CELSR1: variants seen among roughly 807,000 people sequenced by gnomAD.
The protein encoded by CELSR1 is adhesion G protein-coupled receptor C1.
CELSR1 carries 110 observed loss-of-function variants against 249.1 expected under a neutral mutation model. The observed-to-expected ratio is 0.44, with a 90% CI of 0.38 to 0.52. CELSR1 has a LOEUF of 0.52. CELSR1 is among the 20% of genes least tolerant of loss of function. CELSR1 has a pLI of 0.00. For missense variants in CELSR1, 4,109 were observed against 4,296.4 expected (o/e 0.96, Z 1.22); for synonymous variants, 2,113 against 1,900.0 (o/e 1.11, Z -2.92).
intron 19 of CELSR1, 59 bp downstream of exon 19, chr22:46,386,343 C>A: frequency 4.8e-6 from 7 of 1,445,606 alleles, no homozygotes; most frequent in Non-Finnish European, 6.4e-6. Flanking sequence ...GGGGGCCTAG[C>A]TCTGGGGCAC....
chr22:46,501,129 G>A (rs1377584738), intron 1 of CELSR1, among the ~76,000 whole-genome samples: 1 of 151,212 alleles, frequency 6.6e-6, no homozygotes, highest in Non-Finnish European at 1.5e-5. Context: ...CGCCTCCCGG[G>A]TTCAAGCAAT....
At chr22:46,505,794 T>C (rs2080509132) in intron 1 of CELSR1, among the ~76,000 whole-genome samples, 1 of 152,178 alleles carries the variant, frequency 6.6e-6, no homozygotes, top group Non-Finnish European at 1.5e-5. Flanking sequence ...CTCTTTGAAT[T>C]TTTACAATGA....
chr22:46,533,808 G>A lies in CELSR1; in HGVS notation c.3363C>T (p.Thr1121=), dbSNP rs551354592. The A allele has an allele frequency of 2.5e-5, 40 of 1,613,700 alleles. No homozygotes were observed. The highest frequency in any genetic ancestry group is 6.6e-5 in the South Asian group (6 of 91,096). ...GGGCCGGGATGCAGCCGATCACGCC[G>A]GTGGGGAAACTGTTGGACTTGTTGG... ...YVTNKSNSFP[T]GVIGCIPAHD... Residue 1121 remains threonine (T), a synonymous_variant, in exon 1 of 35, where the codon ACC becomes ACT. Coordinates refer to ENST00000674500, the MANE Select transcript of CELSR1 (RefSeq NM_001378328.1).
chr22:46,498,316 A>G (rs2080434567), intron 1 of CELSR1, among the ~76,000 whole-genome samples: 1 of 128,486 alleles, frequency 7.8e-6, no homozygotes, highest in African/African-American at 2.9e-5. Context: ...AAAAAAAAAG[A>G]TAGTCCAGTG....
At chr22:46,469,260 C>T (rs1389150668) in intron 1 of CELSR1, among the ~76,000 whole-genome samples, 2 of 152,094 alleles carry the variant, frequency 1.3e-5, no homozygotes, top group Non-Finnish European at 2.9e-5. Context: ...CTAATGGCAC[C>T]CAGCATAAAA....
At chr22:46,528,667 G>A (rs535922482) in intron 1 of CELSR1, among the ~76,000 whole-genome samples, 38 of 152,324 alleles carry the variant, frequency 2.5e-4, no homozygotes, top group Non-Finnish European at 4.7e-4. Flanking sequence ...GGTGGCTCAC[G>A]CCTGTAATCC....
chr22:46,511,558 T>C (rs2080574082), intron 1 of CELSR1, among the ~76,000 whole-genome samples: 1 of 152,246 alleles, frequency 6.6e-6, no homozygotes, highest in Non-Finnish European at 1.5e-5. Flanking sequence ...GACTAGGCCT[T>C]GACTTCGGGC....
chr22:46,373,616 G>A (rs1718791950), intron 24 of CELSR1, among the ~76,000 whole-genome samples: 1 of 148,796 alleles, frequency 6.7e-6, no homozygotes, highest in African/African-American at 2.5e-5. Flanking sequence ...CTCCCCTCTG[G>A]GTCCCGGGAG....
rs972268719 is a variant in CELSR1, at chr22:46,501,966, T to A, written c.3544+31661A>T. On this transcript the variant is annotated intron_variant, in intron 1 of 34. Coordinates refer to ENST00000674500, the MANE Select transcript of CELSR1 (RefSeq NM_001378328.1). ...CATTTTTATAAACTACTCAGAAAAC[T>A]GCCCTGTAGAAAACAGGGCTGGGCG... is the stretch of plus-strand genomic sequence containing the variant. 2.0e-5 allele frequency among the ~76,000 whole-genome samples: 3 copies of A among 152,152 alleles called. No individual in the cohort carries two copies. The East Asian group carries it at 5.8e-4, about 30-fold the overall frequency.
intron 1 of CELSR1, among the ~76,000 whole-genome samples, chr22:46,480,212 T>C (rs888222528): frequency 1.3e-5 from 2 of 152,248 alleles, no homozygotes; most frequent in Non-Finnish European, 2.9e-5. Flanking sequence ...CCAGTAATTC[T>C]GCTTCCCACA....
At position 46,518,825 on chromosome 22, in the gene CELSR1, G is replaced by A. The variant is rs2147787051; in HGVS notation, c.3544+14802C>T. 6.6e-6 allele frequency among the ~76,000 whole-genome samples: 1 copy of A among 152,320 alleles called. No homozygotes were observed. Among genetic ancestry groups the A allele is most frequent in the South Asian group, 2.1e-4 (1 of 4,820 alleles). On this transcript the variant is annotated intron_variant, in intron 1 of 34. Transcript: ENST00000674500. This position sits in a 1 kb window ranked among gnomAD's most constrained non-coding sequence, Gnocchi z 5.2. Reference sequence around the variant, plus strand: ...AGGCGGGTGGATCACTTGAGGTCAGGAGTTCGAGACCAGCCTGGCAAACCT... The same window carrying A: ...AGGCGGGTGGATCACTTGAGGTCAGAAGTTCGAGACCAGCCTGGCAAACCT...
At chr22:46,415,517 C>A (rs536592315) in intron 5 of CELSR1, among the ~76,000 whole-genome samples, 33 of 152,144 alleles carry the variant, frequency 2.2e-4, no homozygotes, top group African/African-American at 7.2e-4. Context: ...GGCATGAAAA[C>A]ATTTTAGATC....
chr22:46,448,492 G>A lies in CELSR1; in HGVS notation c.4184-9081C>T. The A allele has an allele frequency of 2.5e-6, 1 of 399,778 alleles. No homozygotes were observed. Among genetic ancestry groups the A allele is most frequent in the Non-Finnish European group, 4.9e-6 (1 of 203,100 alleles). The allele number at this position is 399,778 out of a possible 1,614,324, so 24.8% of individuals were successfully genotyped here. A position where few individuals can be genotyped will look rare whatever the true frequency, so the allele number is the denominator to read the frequency against. On this transcript the variant is annotated intron_variant, in intron 2 of 34. Transcript: ENST00000674500. This position sits in a 1 kb window ranked among gnomAD's most constrained non-coding sequence, Gnocchi z 5.7. ...CGCGCTGGGAACGTGCCCCAGGAGG[G>A]GAAGGGCGTGTAAAGATTGACCACT...
rs988916109 is a variant in CELSR1 at position 46,518,249 on chromosome 22, C to T, written c.3544+15378G>A. On this transcript the variant is annotated intron_variant, in intron 1 of 34. Transcript: ENST00000674500. This position sits in a 1 kb window ranked among gnomAD's most constrained non-coding sequence, Gnocchi z 5.2. ...CTAAAGGACATCTCAAAGCACAGCG[C>T]GGCCCCTCAGCACAGACGCTGCTAT... is the stretch of plus-strand genomic sequence containing the variant. Among the ~76,000 whole-genome samples, 1 of 152,154 alleles carries T rather than the reference C, an allele frequency of 6.6e-6. No individual in the cohort carries two copies. The highest frequency in any genetic ancestry group is 1.5e-5 in the Non-Finnish European group (1 of 68,028).
chr22:46,521,986 T>C (rs1215552646), intron 1 of CELSR1, among the ~76,000 whole-genome samples: 1 of 152,198 alleles, frequency 6.6e-6, no homozygotes, highest in Admixed American at 6.5e-5. Context: ...GGGTTCCAGT[T>C]TCTCTGCATC....
chr22:46,486,948 T>C (rs2147684422), intron 1 of CELSR1, among the ~76,000 whole-genome samples: 1 of 152,276 alleles, frequency 6.6e-6, no homozygotes, highest in East Asian at 1.9e-4. Flanking sequence ...CAACAGTTTC[T>C]GTTCTGGCCC....
At chr22:46,524,712 G>A (rs540812462) in intron 1 of CELSR1, among the ~76,000 whole-genome samples, 3 of 152,248 alleles carry the variant, frequency 2.0e-5, no homozygotes, top group South Asian at 4.1e-4. Context: ...GCCCAAAAGG[G>A]GGACCTGATT....
intron 17 of CELSR1, 125 bp from the exon 18 acceptor site, chr22:46,389,624 C>G (rs957999053): frequency 9.2e-7 from 1 of 1,085,440 alleles, no homozygotes; most frequent in African/African-American, 1.6e-5. Context: ...TTTAAAAAAT[C>G]CAAAAGCCTG....
chr22:46,439,317 G>A lies in CELSR1; in HGVS notation c.4278C>T (p.Phe1426=). 3 of 1,613,718 alleles carry A rather than the reference G, an allele frequency of 1.9e-6. No individual in the cohort carries two copies. ...ACTCGCCAGGAGGACACACGCAGTG[G>A]AAGCCGCCGATGAGCAGGTTCACGC... ...GTCVNLLIGG[F]HCVCPPGEYE... is the part of the protein sequence containing the mutation. Residue 1426 remains phenylalanine (F), a synonymous_variant, in exon 3 of 35, where the codon TTC becomes TTT. Transcript: ENST00000674500.
Sources: allele counts gnomAD v4.1 joint callset (sites outside exome capture counted in the v4.1 genomes callset), GRCh38; gene constraint gnomAD v4.1.1; non-coding constraint Gnocchi (gnomAD v3.1); transcripts MANE v1.5; gene names NCBI Gene and HGNC (gene_info 2026-07-23, HGNC 2026-07-21).